CDH12: variants seen among roughly 807,000 people sequenced by gnomAD.
CDH12 encodes cadherin 12, also known as cadherin-12.
Under a neutral mutation model 74.1 loss-of-function variants are expected in CDH12, and 41 were observed. The observed-to-expected ratio is 0.55, with a 90% CI of 0.43 to 0.72. The LOEUF is 0.72. Among genes scored for constraint, CDH12 ranks in the 30% least tolerant of loss-of-function variants. CDH12 has a pLI of 0.00. For missense variants in CDH12, 945 were observed against 977.2 expected (o/e 0.97, Z 0.44); for synonymous variants, 399 against 355.0 (o/e 1.12, Z -1.39).
chr5:22,846,565 A>G (rs926455087), intron 1 of CDH12, among the ~76,000 whole-genome samples: 4 of 152,182 alleles, frequency 2.6e-5, no homozygotes, highest in African/African-American at 9.6e-5. Context: ...AAGCAGATGA[A>G]AGATTTAATG....
intron 3 of CDH12, among the ~76,000 whole-genome samples, chr5:22,296,258 G>T (rs1239165436): frequency 6.6e-6 from 1 of 152,026 alleles, no homozygotes; most frequent in African/African-American, 2.4e-5. Context: ...AGACTACAGG[G>T]CACATGAACT....
At chr5:22,630,981 C>G (rs1241574462) in intron 1 of CDH12, among the ~76,000 whole-genome samples, 1 of 152,008 alleles carries the variant, frequency 6.6e-6, no homozygotes, top group African/African-American at 2.4e-5. Flanking sequence ...GGGAAAAGTG[C>G]ATGGACAGAC....
intron 12 of CDH12, among the ~76,000 whole-genome samples, chr5:21,764,261 C>G (rs1045419890): frequency 6.6e-6 from 1 of 152,022 alleles, no homozygotes; most frequent in Non-Finnish European, 1.5e-5. Context: ...ATAGTCCCAG[C>G]TACTCGGGAG....
At chr5:22,717,359 T>C (rs1743633289) in intron 1 of CDH12, among the ~76,000 whole-genome samples, 1 of 152,198 alleles carries the variant, frequency 6.6e-6, no homozygotes, top group Non-Finnish European at 1.5e-5. Context: ...AAATCCTGCA[T>C]AGATCAGTAA....
chr5:22,661,446 C>T (rs188919749), intron 1 of CDH12, among the ~76,000 whole-genome samples: 93 of 152,270 alleles, frequency 6.1e-4, no homozygotes, highest in Admixed American at 2.3e-3. Context: ...TAAACATATT[C>T]TTTCTGCGTA....
intron 1 of CDH12, among the ~76,000 whole-genome samples, chr5:22,847,919 T>C (rs776255180): frequency 6.6e-6 from 1 of 152,034 alleles, no homozygotes; most frequent in Non-Finnish European, 1.5e-5. Context: ...AGTCTCACTC[T>C]GTCGCCCAGG....
At chr5:21,946,911 G>T (rs181302596) in intron 6 of CDH12, among the ~76,000 whole-genome samples, 7 of 152,162 alleles carry the variant, frequency 4.6e-5, no homozygotes, top group African/African-American at 1.7e-4. Flanking sequence ...TGATCCTCCC[G>T]TGTCAAGGGC....
chr5:22,699,467 C>T (rs1292694105), intron 1 of CDH12, among the ~76,000 whole-genome samples: 1 of 152,056 alleles, frequency 6.6e-6, no homozygotes, highest in East Asian at 1.9e-4. Context: ...CTAAATTATA[C>T]GTGAACATTA....
At chr5:22,667,946 T>C (rs1412251105) in intron 1 of CDH12, among the ~76,000 whole-genome samples, 1 of 150,160 alleles carries the variant, frequency 6.7e-6, no homozygotes, top group Non-Finnish European at 1.5e-5. Flanking sequence ...TTTCACTCTT[T>C]GTATTATAAG....
chr5:22,029,424 C>A lies in CDH12; in HGVS notation c.231+49022G>T, dbSNP rs573026636. 7.8e-3 allele frequency among the ~76,000 whole-genome samples: 1,181 copies of A among 151,728 alleles called. 14 individuals carry two copies. The highest frequency in any genetic ancestry group is 0.027 in the African/African-American group (1,127 of 41,358). On this transcript the variant is annotated intron_variant, in intron 5 of 14. Transcript: ENST00000382254. ...CTCAAACAAATTTACAAGAAAAAAA[C>A]AAACAACCCCATCAAAAAGTGGGCG... is the stretch of plus-strand genomic sequence containing the variant.
chr5:21,950,152 G>T (rs1755784919), intron 6 of CDH12, among the ~76,000 whole-genome samples: 3 of 151,920 alleles, frequency 2.0e-5, no homozygotes, highest in Admixed American at 2.0e-4. Context: ...ACAGTATTCA[G>T]CACAGTAACA....
At chr5:22,730,752 G>A (rs1169747057) in intron 1 of CDH12, among the ~76,000 whole-genome samples, 1 of 151,512 alleles carries the variant, frequency 6.6e-6, no homozygotes. Flanking sequence ...ATCAATTGTA[G>A]GAAAAATGAT....
intron 4 of CDH12, among the ~76,000 whole-genome samples, chr5:22,210,400 A>G (rs1404152568): frequency 1.4e-5 from 2 of 145,850 alleles, no homozygotes; most frequent in Non-Finnish European, 3.0e-5. Flanking sequence ...TGAACCCAAG[A>G]TTTTCTTTAT....
intron 5 of CDH12, among the ~76,000 whole-genome samples, chr5:22,072,100 C>G (rs1032979782): frequency 6.6e-6 from 1 of 151,810 alleles, no homozygotes; most frequent in Non-Finnish European, 1.5e-5. Context: ...CTCTCCCTAT[C>G]TCTACACCTT....
chr5:21,795,331 A>G (rs188741315), intron 10 of CDH12, among the ~76,000 whole-genome samples: 4 of 151,952 alleles, frequency 2.6e-5, no homozygotes, highest in Non-Finnish European at 4.4e-5. Flanking sequence ...ATATTTTTCT[A>G]GATTTATAAA....
intron 7 of CDH12, among the ~76,000 whole-genome samples, chr5:21,843,317 C>A (rs967269014): frequency 6.6e-6 from 1 of 152,066 alleles, no homozygotes; most frequent in Non-Finnish European, 1.5e-5. Context: ...AATAAATCAA[C>A]CATCAACAAA....
intron 1 of CDH12, among the ~76,000 whole-genome samples, chr5:22,647,544 G>A (rs574843341): frequency 2.6e-4 from 39 of 151,570 alleles, no homozygotes; most frequent in African/African-American, 5.8e-4. Context: ...TTTCCTTCTC[G>A]CTGTGTCCTC....
intron 1 of CDH12, among the ~76,000 whole-genome samples, chr5:22,517,090 T>C (rs1328632915): frequency 6.6e-6 from 1 of 152,004 alleles, no homozygotes; most frequent in Non-Finnish European, 1.5e-5. Flanking sequence ...GAATATAATA[T>C]ACATTTTAAA....
intron 4 of CDH12, among the ~76,000 whole-genome samples, chr5:22,116,962 T>A (rs1011419557): frequency 6.6e-6 from 1 of 150,714 alleles, no homozygotes; most frequent in Non-Finnish European, 1.5e-5. Context: ...TTTTTTTCCC[T>A]CTTTTTTCTT....
Sources: gnomAD v4.1 joint callset for allele counts (sites outside exome capture counted in the v4.1 genomes callset) on GRCh38, gnomAD v4.1.1 for gene constraint, MANE v1.5 for transcripts, NCBI Gene and HGNC (gene_info 2026-07-23, HGNC 2026-07-21) for gene names.